The following ERCC6L2 variants were observed in gnomAD, a reference collection of about 807,000 sequenced individuals.
ERCC6L2 encodes the protein DNA excision repair protein ERCC-6-like 2.
ERCC6L2 carries 77 observed loss-of-function variants against 132.0 expected under a neutral mutation model. The ratio of observed to expected loss-of-function variants is 0.58; its 90% CI spans 0.49 to 0.71. The LOEUF (loss-of-function observed/expected upper bound fraction) is 0.71, where lower values mean the gene tolerates loss of function less well. Among genes scored for constraint, ERCC6L2 ranks in the 30% least tolerant of loss-of-function variants. The pLI, the probability that ERCC6L2 is intolerant of heterozygous loss-of-function variation, is 0.00. For missense variants in ERCC6L2, 1,542 were observed against 1,837.6 expected (o/e 0.84, Z 2.94); for synonymous variants, 583 against 632.4 (o/e 0.92, Z 1.17).
At chr9:96,033,730 A>C (rs1241267547) in intron 19 of ERCC6L2, among the ~76,000 whole-genome samples, 1 of 152,206 alleles carries the variant, frequency 6.6e-6, no homozygotes, top group African/African-American at 2.4e-5. Context: ...ATAAAAGGAG[A>C]TGCCCCTTTC....
chr9:96,012,682 G>A lies in ERCC6L2; in HGVS notation c.4132G>A (p.Asp1378Asn). 7.3e-7 allele frequency: 1 copy of A among 1,367,616 alleles called. No individual in the cohort carries two copies. The highest frequency in any genetic ancestry group is 9.8e-7 in the Non-Finnish European group (1 of 1,021,860). 84.7% of individuals were successfully genotyped at this position (1,367,616 alleles called of 1,614,324 possible). A position where few individuals can be genotyped will look rare whatever the true frequency, so the allele number is the denominator to read the frequency against. Residue 1378 changes from aspartate to asparagine, a missense_variant, in exon 19 of 19, where the codon GAT becomes AAT. Transcript: ENST00000653738. ...DSGKNSQASE[D>N]TVTSRSLNSE... ...TGGGAAAAACAGCCAGGCATCCGAA[G>A]ATACTGTGACATCCCGTTCTCTGAA...
rs543062354 is a variant in ERCC6L2 at position 95,936,388 on chromosome 9, T to C, written c.1752-5066T>C. Among the ~76,000 whole-genome samples the C allele has an allele frequency of 5.3e-5, 8 of 152,338 alleles. No homozygotes were observed. The South Asian group carries it at 1.7e-3, about 32-fold the overall frequency. The stretch of plus-strand genomic sequence containing the variant: ...TGGAGAGAGAACATGTGGCATCCTG[T>C]TGCAGTGTAACTCTTGGCTCTCTCT... On this transcript the variant is annotated intron_variant, in intron 11 of 18. Coordinates refer to ENST00000653738, the MANE Select transcript of ERCC6L2 (RefSeq NM_020207.7).
At chr9:96,027,037 C>T (rs1272668765) in intron 19 of ERCC6L2, among the ~76,000 whole-genome samples, 1 of 142,634 alleles carries the variant, frequency 7.0e-6, no homozygotes, top group African/African-American at 2.6e-5. Context: ...CACACACATA[C>T]CCACCACCCC....
chr9:95,980,447 G>A (rs1215037762), intron 17 of ERCC6L2, among the ~76,000 whole-genome samples: 2 of 152,154 alleles, frequency 1.3e-5, no homozygotes, highest in Non-Finnish European at 2.9e-5. Context: ...ATTGCTAGCA[G>A]CCCAAACACA....
rs193253447 is a variant in ERCC6L2 at position 96,013,466 on chromosome 9, C to T, written c.*263C>T. The T allele has an allele frequency of 4.6e-5, 10 of 215,866 alleles. No individual in the cohort carries two copies. In the East Asian group the frequency reaches 1.2e-3, roughly 25 times the overall value. 13.4% of individuals were successfully genotyped at this position (215,866 alleles called of 1,614,324 possible). ...GATTCTAGGTTTGTTAATAGGAGAC[C>T]TGGGACATCTTTCTTACTATATTAC... On this transcript the variant is annotated 3_prime_UTR_variant, in exon 19 of 19. Transcript: ENST00000653738.
chr9:95,989,277 G>A (rs1285954732), intron 17 of ERCC6L2, among the ~76,000 whole-genome samples: 1 of 152,140 alleles, frequency 6.6e-6, no homozygotes, highest in Non-Finnish European at 1.5e-5. Flanking sequence ...TGAAAGTTGG[G>A]GGGTGGAGCT....
At chr9:95,934,890 C>T (rs549548780) in intron 11 of ERCC6L2, among the ~76,000 whole-genome samples, 1 of 152,204 alleles carries the variant, frequency 6.6e-6, no homozygotes, top group African/African-American at 2.4e-5. Flanking sequence ...GTCAACTTTC[C>T]CAGAAAGATG....
intron 17 of ERCC6L2, among the ~76,000 whole-genome samples, chr9:95,987,387 C>T (rs969402186): frequency 1.2e-4 from 19 of 152,160 alleles, no homozygotes; most frequent in South Asian, 2.1e-4. Flanking sequence ...ATACAATGGA[C>T]GTACAGGAAT....
At chr9:95,943,802 G>A (rs1830921088) in intron 12 of ERCC6L2, among the ~76,000 whole-genome samples, 1 of 152,042 alleles carries the variant, frequency 6.6e-6, no homozygotes. Flanking sequence ...ACTATAGTGA[G>A]GTACAACTTC....
Position 95,875,972 on chromosome 9 carries a change from AC to A in ERCC6L2, c.-65del. ...GCCGCCATTGGCCTGCCGGCCAGCC[AC>A]CTTGCTGTCCTCCGCCGCCTTCCGG... On this transcript the variant is annotated 5_prime_UTR_variant, in exon 1 of 19. Coordinates refer to ENST00000653738, the MANE Select transcript of ERCC6L2 (RefSeq NM_020207.7). 6.5e-7 allele frequency: 1 copy of A among 1,531,634 alleles called. No homozygotes were observed. Among genetic ancestry groups the A allele is most frequent in the Non-Finnish European group, 8.8e-7 (1 of 1,133,742 alleles). 94.9% of individuals were successfully genotyped at this position (1,531,634 alleles called of 1,614,324 possible).
chr9:95,975,203 C>G lies in ERCC6L2; in HGVS notation c.3337+2115C>G, dbSNP rs567167134. ...TAGACTTCACTTAACTGTTGGTCCA[C>G]AGGTAACTACACATTTCATGCTCCC... is the stretch of plus-strand genomic sequence containing the variant. On this transcript the variant is annotated intron_variant, in intron 16 of 18. Coordinates refer to ENST00000653738, the MANE Select transcript of ERCC6L2 (RefSeq NM_020207.7). 4.6e-5 allele frequency among the ~76,000 whole-genome samples: 7 copies of G among 152,240 alleles called. No individual in the cohort carries two copies. The East Asian group carries it at 5.8e-4, about 13-fold the overall frequency.
Position 95,963,630 on chromosome 9 carries a change from C to T in ERCC6L2, c.1948-2932C>T, listed in dbSNP as rs78929390. Among the ~76,000 whole-genome samples the T allele has an allele frequency of 2.6e-4, 39 of 152,254 alleles. 1 individual carries two copies. In the East Asian group the frequency reaches 7.5e-3, roughly 29 times the overall value. ...GGACCCATTCAGTTTCCCCACCTCT[C>T]TCTTTTTCCTTTCTGGTCCAGGGTT... On this transcript the variant is annotated intron_variant, in intron 13 of 18. Coordinates refer to ENST00000653738, the MANE Select transcript of ERCC6L2 (RefSeq NM_020207.7).
Position 96,012,246 on chromosome 9 carries a change from CTCT to C in ERCC6L2, c.3698_3700del (p.Ser1233del), listed in dbSNP as rs1564303528. 7.9e-7 allele frequency: 1 copy of C among 1,269,402 alleles called. No individual in the cohort carries two copies. Among genetic ancestry groups the C allele is most frequent in the Non-Finnish European group, 1.0e-6 (1 of 969,766 alleles). The allele number at this position is 1,269,402 out of a possible 1,614,324, so 78.6% of individuals were successfully genotyped here. ...TTAGAAAACAATTTGAAGAAATGGCCTCTTATTTTAACTCGTCTTCTGTAAACG... is the reference window on the plus strand; with the variant it reads ...TTAGAAAACAATTTGAAGAAATGGCCTATTTTAACTCGTCTTCTGTAAACG... On this transcript the variant is annotated inframe_deletion, in exon 19 of 19. Coordinates refer to ENST00000653738, the MANE Select transcript of ERCC6L2 (RefSeq NM_020207.7).
At chr9:96,021,949 C>G (rs962032175), downstream of ERCC6L2, among the ~76,000 whole-genome samples, 1 of 152,080 alleles carries the variant, frequency 6.6e-6, no homozygotes, top group Non-Finnish European at 1.5e-5. This position sits in a 1 kb window ranked among gnomAD's most constrained non-coding sequence, Gnocchi z 4.7. Flanking sequence ...GCCCCCACGC[C>G]GCTCCTCCAG....
intron 19 of ERCC6L2, among the ~76,000 whole-genome samples, chr9:96,038,409 A>G (rs1164563801): frequency 6.6e-6 from 1 of 152,218 alleles, no homozygotes; most frequent in Non-Finnish European, 1.5e-5. Context: ...ATTGCCGCTG[A>G]GCAGGGCAGG....
At chr9:96,036,763 A>ATT (rs201535314) in intron 19 of ERCC6L2, among the ~76,000 whole-genome samples, 12 of 137,658 alleles carry the variant, frequency 8.7e-5, no homozygotes, top group South Asian at 4.6e-4. Flanking sequence ...TATTATTATT[A>ATT]TTTTTATTTA....
At chr9:96,007,337 G>C (rs1833893968) in intron 18 of ERCC6L2, among the ~76,000 whole-genome samples, 2 of 152,216 alleles carry the variant, frequency 1.3e-5, no homozygotes, top group African/African-American at 4.8e-5. Context: ...GTGAGCTAAA[G>C]AAAGTGGTGG....
intron 9 of ERCC6L2, among the ~76,000 whole-genome samples, chr9:95,925,942 TC>T (rs2132771071): frequency 6.6e-6 from 1 of 152,044 alleles, no homozygotes; most frequent in South Asian, 2.1e-4. Context: ...AACAGGTACT[TC>T]CCCAAAGAAG....
intron 1 of ERCC6L2, chr9:95,876,968 C>G (rs965575849): frequency 2.0e-5 from 3 of 152,164 alleles, no homozygotes; most frequent in Admixed American, 1.3e-4. Flanking sequence ...TTTGATAAAT[C>G]TAGTCACTCT....
Sources: allele counts gnomAD v4.1 joint callset (sites outside exome capture counted in the v4.1 genomes callset), GRCh38; gene constraint gnomAD v4.1.1; non-coding constraint Gnocchi (gnomAD v3.1); transcripts MANE v1.5; gene names NCBI Gene and HGNC (gene_info 2026-07-23, HGNC 2026-07-21).